Variants in DLGAP4 observed in about 807,000 individuals in gnomAD.
DLGAP4 encodes DLG associated protein 4.
Under a neutral mutation model 86.9 loss-of-function variants are expected in DLGAP4, and 18 were observed. That is an observed-to-expected ratio of 0.21 (90% CI 0.14 to 0.31). DLGAP4 has a LOEUF of 0.31. Among genes scored for constraint, DLGAP4 ranks in the 10% least tolerant of loss-of-function variants. The probability of loss-of-function intolerance (pLI) is 1.00; values close to 1 mark genes in which losing one functional copy is unlikely to be tolerated. For missense variants in DLGAP4, 1,085 were observed against 1,362.6 expected (o/e 0.80, Z 3.21); for synonymous variants, 548 against 574.3 (o/e 0.95, Z 0.65).
intron 7 of DLGAP4, among the ~76,000 whole-genome samples, chr20:36,486,031 C>G (rs2035396208): frequency 6.6e-6 from 1 of 152,098 alleles, no homozygotes; most frequent in Non-Finnish European, 1.5e-5. Context: ...AAAGCCCTGG[C>G]CCTGGGGATT....
intron 5 of DLGAP4, among the ~76,000 whole-genome samples, chr20:36,441,257 G>A (rs1452416681): frequency 6.6e-6 from 1 of 152,120 alleles, no homozygotes; most frequent in East Asian, 1.9e-4. Context: ...AGCCATGCCG[G>A]CCTCCTTTCT....
chr20:36,509,053 A>G (rs1048726085), intron 10 of DLGAP4, among the ~76,000 whole-genome samples: 1 of 152,186 alleles, frequency 6.6e-6, no homozygotes, highest in African/African-American at 2.4e-5. Context: ...GCATATTTTA[A>G]TTTTATTTAT....
chr20:36,466,934 C>T (rs1360168528), intron 7 of DLGAP4, among the ~76,000 whole-genome samples: 3 of 148,988 alleles, frequency 2.0e-5, no homozygotes, highest in Admixed American at 6.6e-5. Context: ...TGCTCTCTCT[C>T]TCTCTCTCTC....
At chr20:36,453,453 C>A (rs1409638293) in intron 7 of DLGAP4, among the ~76,000 whole-genome samples, 1 of 152,084 alleles carries the variant, frequency 6.6e-6, no homozygotes, top group Non-Finnish European at 1.5e-5. Flanking sequence ...AGTTCAAGAT[C>A]AGCCTGGGCA....
intron 7 of DLGAP4, among the ~76,000 whole-genome samples, chr20:36,488,746 T>G (rs1342459938): frequency 6.6e-6 from 1 of 151,954 alleles, no homozygotes; most frequent in African/African-American, 2.4e-5. Flanking sequence ...CCCAGCTAAT[T>G]TTTGTATTTT....
At chr20:36,523,200 G>A (rs1569526615) in intron 10 of DLGAP4, among the ~76,000 whole-genome samples, 4 of 151,948 alleles carry the variant, frequency 2.6e-5, no homozygotes, top group Non-Finnish European at 4.4e-5. Context: ...CCACAGATGC[G>A]CACTAGCACA....
intron 1 of DLGAP4, among the ~76,000 whole-genome samples, chr20:36,344,018 C>T (rs1199707465): frequency 6.6e-6 from 1 of 152,176 alleles, no homozygotes; most frequent in Non-Finnish European, 1.5e-5. Flanking sequence ...TTCACCTTGC[C>T]AGGGGAGCCT....
rs371349453 is a variant in DLGAP4 at position 36,414,161 on chromosome 20, G to A, written c.-72-17485G>A. On this transcript the variant is annotated intron_variant, in intron 2 of 12. Transcript: ENST00000339266. ...AAAGGTGACTTGCCTGAGGTCACAA[G>A]GTGAGTTAGCCAGGACTGGGGTCCC... Among the ~76,000 whole-genome samples, 8 of 152,336 alleles carry A rather than the reference G, an allele frequency of 5.3e-5. No individual in the cohort carries two copies. The East Asian group carries it at 7.7e-4, about 15-fold the overall frequency.
At chr20:36,524,061 G>A (rs1569526796) in intron 10 of DLGAP4, among the ~76,000 whole-genome samples, 189 bp from the exon 11 acceptor site, 2 of 152,306 alleles carry the variant, frequency 1.3e-5, no homozygotes, top group East Asian at 1.9e-4. Flanking sequence ...ATGGGATGGG[G>A]TTGGCTTTAT....
At chr20:36,388,298 C>T (rs1022673352) in intron 2 of DLGAP4, among the ~76,000 whole-genome samples, 5 of 152,204 alleles carry the variant, frequency 3.3e-5, no homozygotes, top group African/African-American at 7.2e-5. Flanking sequence ...GGACTCCCAT[C>T]AGGCAAGGCA....
At chr20:36,309,740 G>T (rs947587233) in intron 1 of DLGAP4, among the ~76,000 whole-genome samples, 3 of 152,136 alleles carry the variant, frequency 2.0e-5, no homozygotes, top group Non-Finnish European at 4.4e-5. Flanking sequence ...TCCTTCACTC[G>T]CCAGGTCACT....
At chr20:36,368,148 A>G (rs1371170189) in intron 2 of DLGAP4, among the ~76,000 whole-genome samples, 4 of 152,228 alleles carry the variant, frequency 2.6e-5, no homozygotes, top group African/African-American at 9.6e-5. Flanking sequence ...AAGGAAGGAA[A>G]GGGGGAGAGA....
intron 7 of DLGAP4, among the ~76,000 whole-genome samples, chr20:36,469,387 G>A (rs929810784): frequency 3.9e-5 from 6 of 152,084 alleles, no homozygotes; most frequent in African/African-American, 1.4e-4. Flanking sequence ...GTTGCAGCCC[G>A]TGAGCCCTTA....
intron 1 of DLGAP4, among the ~76,000 whole-genome samples, chr20:36,353,542 T>C (rs2030229496): frequency 1.3e-5 from 2 of 152,206 alleles, no homozygotes; most frequent in African/African-American, 4.8e-5. Flanking sequence ...GGCAGAAGCA[T>C]TTCTTGTAAG....
chr20:36,491,375 G>A (rs956541625), intron 7 of DLGAP4, among the ~76,000 whole-genome samples: 39 of 152,262 alleles, frequency 2.6e-4, no homozygotes, highest in Admixed American at 3.9e-4. Context: ...CAGGCTGCAC[G>A]GAGGATGCAT....
At chr20:36,376,739 C>T (rs996075937) in intron 2 of DLGAP4, among the ~76,000 whole-genome samples, 2 of 152,128 alleles carry the variant, frequency 1.3e-5, no homozygotes, top group Non-Finnish European at 2.9e-5. Context: ...ACCTCGTCAG[C>T]TTCGTGAGAC....
At chr20:36,401,076 C>T (rs577109588) in intron 2 of DLGAP4, among the ~76,000 whole-genome samples, 20 of 152,206 alleles carry the variant, frequency 1.3e-4, no homozygotes, top group African/African-American at 4.8e-4. Flanking sequence ...AGTCCCCCAC[C>T]CGCCCAGCAA....
At chr20:36,336,916 A>G in intron 1 of DLGAP4, among the ~76,000 whole-genome samples, 1 of 152,186 alleles carries the variant, frequency 6.6e-6, no homozygotes, top group Non-Finnish European at 1.5e-5. Flanking sequence ...GCCCGCACCC[A>G]GTCTCCCATC....
intron 1 of DLGAP4, among the ~76,000 whole-genome samples, chr20:36,360,388 A>G (rs1050190550): frequency 2.6e-5 from 4 of 152,096 alleles, no homozygotes; most frequent in Non-Finnish European, 5.9e-5. Flanking sequence ...TCTTCTGGTC[A>G]AGTTCCTCAG....
Sources: allele counts gnomAD v4.1 joint callset (sites outside exome capture counted in the v4.1 genomes callset), GRCh38; gene constraint gnomAD v4.1.1; transcripts MANE v1.5; gene names NCBI Gene and HGNC (gene_info 2026-07-23, HGNC 2026-07-21).